The following DCC variants were observed in gnomAD, a reference collection of about 807,000 sequenced individuals.
DCC encodes the protein netrin receptor DCC.
In DCC, 58 loss-of-function variants were observed where a neutral mutation model predicts 172.5. The observed-to-expected ratio is 0.34, with a 90% confidence interval of 0.27 to 0.42. The LOEUF (loss-of-function observed/expected upper bound fraction) is 0.42, where lower values mean the gene tolerates loss of function less well. DCC is among the 10% of genes least tolerant of loss of function. DCC has a pLI of 1.00. For missense variants in DCC, 1,740 were observed against 1,791.0 expected, an observed-to-expected ratio of 0.97 and a Z score of 0.51; for synonymous variants, 709 against 644.5, an observed-to-expected ratio of 1.10 and a Z score of -1.52.
chr18:52,529,916 A>G (rs533928198), intron 1 of DCC, among the ~76,000 whole-genome samples: 1 of 152,288 alleles, frequency 6.6e-6, no homozygotes, highest in African/African-American at 2.4e-5. Flanking sequence ...ACATTTCTGG[A>G]AAAAAGTACC....
chr18:52,851,054 A>C (rs2038968424), intron 2 of DCC, among the ~76,000 whole-genome samples: 4 of 152,112 alleles, frequency 2.6e-5, no homozygotes, highest in South Asian at 4.1e-4. Flanking sequence ...AAAGTCAGTA[A>C]GTAGATAATT....
intron 21 of DCC, among the ~76,000 whole-genome samples, chr18:53,417,718 A>G (rs1210577942): frequency 6.6e-6 from 1 of 152,206 alleles, no homozygotes; most frequent in African/African-American, 2.4e-5. Context: ...AAATGTCATT[A>G]TTAGTCACTT....
chr18:53,503,473 G>A (rs886542206), intron 27 of DCC, among the ~76,000 whole-genome samples: 2 of 152,148 alleles, frequency 1.3e-5, no homozygotes, highest in Admixed American at 6.5e-5. Context: ...CATGGAGGCT[G>A]CAATCACTAC....
intron 2 of DCC, among the ~76,000 whole-genome samples, chr18:52,783,321 C>CTGTTTTTTTTT (rs1568100450): frequency 1.6e-5 from 1 of 62,122 alleles, no homozygotes; most frequent in African/African-American, 6.3e-5. Context: ...TATACTACTA[C>CTGTTTTTTTTT]TCTTTTTTTT....
intron 15 of DCC, among the ~76,000 whole-genome samples, chr18:53,375,852 G>A (rs1163827076): frequency 6.6e-6 from 1 of 152,060 alleles, no homozygotes; most frequent in East Asian, 1.9e-4. Context: ...GGTAAGGAAT[G>A]TTTATTTTGC....
chr18:53,193,677 G>A (rs1022619753), intron 9 of DCC, among the ~76,000 whole-genome samples: 3 of 151,994 alleles, frequency 2.0e-5, no homozygotes, highest in Non-Finnish European at 2.9e-5. Flanking sequence ...AAAGCATCCC[G>A]GAACTCTGAC....
intron 11 of DCC, among the ~76,000 whole-genome samples, chr18:53,209,232 A>G (rs951117371): frequency 6.6e-6 from 1 of 152,246 alleles, no homozygotes; most frequent in African/African-American, 2.4e-5. Context: ...AGGGGAAACT[A>G]GAAACCTAAC....
intron 5 of DCC, among the ~76,000 whole-genome samples, chr18:53,046,319 A>G (rs2144018209): frequency 6.6e-6 from 1 of 152,020 alleles, no homozygotes. Flanking sequence ...TATTGTTTTA[A>G]GCAATGCATT....
At chr18:52,954,831 C>G (rs1186671467) in intron 5 of DCC, among the ~76,000 whole-genome samples, 1 of 152,122 alleles carries the variant, frequency 6.6e-6, no homozygotes, top group African/African-American at 2.4e-5. Context: ...ATTTCAATTT[C>G]TCTAAGTCAT....
At chr18:52,352,442 G>C (rs915105814) in intron 1 of DCC, among the ~76,000 whole-genome samples, 5 of 152,176 alleles carry the variant, frequency 3.3e-5, no homozygotes, top group African/African-American at 1.2e-4. Flanking sequence ...GAGGCTCATA[G>C]GTCCAGCTAA....
chr18:52,771,405 G>A (rs565747098), intron 2 of DCC, among the ~76,000 whole-genome samples: 4 of 152,286 alleles, frequency 2.6e-5, no homozygotes, highest in East Asian at 1.9e-4. Context: ...TTTCTCTAGC[G>A]CTTTCTCCCT....
At chr18:53,461,494 A>C (rs1009453646) in intron 24 of DCC, among the ~76,000 whole-genome samples, 3 of 152,126 alleles carry the variant, frequency 2.0e-5, no homozygotes, top group African/African-American at 7.2e-5. Flanking sequence ...TCAGCTTTCT[A>C]CATATGGCTA....
intron 8 of DCC, among the ~76,000 whole-genome samples, chr18:53,168,423 G>A (rs940684589): frequency 6.6e-6 from 1 of 152,000 alleles, no homozygotes; most frequent in Non-Finnish European, 1.5e-5. Flanking sequence ...CAGGGACATG[G>A]ATGAAGCTGG....
At chr18:52,456,847 T>C (rs1988472708) in intron 1 of DCC, among the ~76,000 whole-genome samples, 1 of 152,178 alleles carries the variant, frequency 6.6e-6, no homozygotes. Flanking sequence ...CAGAATTCCC[T>C]GTTTTTTGAC....
intron 20 of DCC, among the ~76,000 whole-genome samples, chr18:53,415,915 G>A (rs1309609351): frequency 6.6e-6 from 1 of 151,954 alleles, no homozygotes; most frequent in Non-Finnish European, 1.5e-5. Flanking sequence ...GGATGAATTT[G>A]TACAGCAAAA....
chr18:53,051,018 C>T (rs867397434), intron 5 of DCC, among the ~76,000 whole-genome samples: 8 of 152,118 alleles, frequency 5.3e-5, no homozygotes, highest in Middle Eastern at 3.4e-3. Context: ...CTGCTTGAGC[C>T]CAGAAGTTCA....
chr18:53,445,713 A>G (rs1325553102), intron 22 of DCC, among the ~76,000 whole-genome samples: 1 of 152,190 alleles, frequency 6.6e-6, no homozygotes, highest in Non-Finnish European at 1.5e-5. Flanking sequence ...TTTATTAAAT[A>G]TATGTATTTG....
intron 1 of DCC, among the ~76,000 whole-genome samples, chr18:52,402,257 T>C (rs1012457036): frequency 6.6e-6 from 1 of 152,026 alleles, no homozygotes; most frequent in Non-Finnish European, 1.5e-5. Context: ...CACTCTCTGA[T>C]CGATTTAAAT....
intron 5 of DCC, among the ~76,000 whole-genome samples, chr18:53,047,389 TATAAA>T (rs2042263380): frequency 8.1e-6 from 1 of 123,206 alleles, no homozygotes; most frequent in African/African-American, 3.0e-5. Flanking sequence ...TTATATATTA[TATAAA>T]ATATGTTATA....
Sources: allele counts gnomAD v4.1 joint callset (sites outside exome capture counted in the v4.1 genomes callset), GRCh38; gene constraint gnomAD v4.1.1; transcripts MANE v1.5; gene names NCBI Gene and HGNC (gene_info 2026-07-23, HGNC 2026-07-21).